CHORDC1: variants seen among roughly 807,000 people sequenced by gnomAD.
The protein encoded by CHORDC1 is cysteine and histidine rich domain containing 1.
CHORDC1 carries 25 observed loss-of-function variants against 48.3 expected under a neutral mutation model. That is an observed-to-expected ratio of 0.52 (90% CI 0.38 to 0.72). The LOEUF is 0.72. Among genes scored for constraint, CHORDC1 ranks in the 30% least tolerant of loss-of-function variants. The probability of loss-of-function intolerance (pLI) is 0.00; values close to 1 mark genes in which losing one functional copy is unlikely to be tolerated. For synonymous variants in CHORDC1, 128 were observed against 126.4 expected (o/e 1.01, Z -0.09); for missense variants, 317 against 388.7 (o/e 0.82, Z 1.55).
chr11:90,222,921 G>A lies in CHORDC1; in HGVS notation c.34C>T (p.Gln12Ter), dbSNP rs760316128. ...ALLCYNRGCG[Q>*]RFDPETNSDD... ...GAATTGGTCTCAGGATCGAAGCGCT[G>A]ACCGCAGCCCCGGTTGTAGCACAGC... Residue 12 changes from glutamine (Q) to a stop codon, truncating the protein, a stop_gained, in exon 1 of 11, where the codon CAG becomes TAG. Transcript: ENST00000320585. LOFTEE classifies it high-confidence loss of function. 3 of 1,614,038 alleles carry A rather than the reference G, an allele frequency of 1.9e-6. No homozygotes were observed. In the African/African-American group the frequency reaches 4.0e-5, roughly 22 times the overall value.
intron 10 of CHORDC1, 78 bp from the exon 11 acceptor site, chr11:90,202,629 G>T: frequency 6.6e-7 from 1 of 1,510,814 alleles, no homozygotes; most frequent in Non-Finnish European, 9.0e-7. Flanking sequence ...ACTTGCTTAT[G>T]CCAATAATCC....
intron 4 of CHORDC1, chr11:90,213,640 T>C (rs991256256): frequency 1.0e-4 from 47 of 460,014 alleles, no homozygotes; most frequent in Non-Finnish European, 1.8e-4. Flanking sequence ...AGATGGATGA[T>C]TAGGCCTCTG....
intron 6 of CHORDC1, chr11:90,209,272 A>G (rs1389944290): frequency 6.6e-6 from 1 of 152,190 alleles, no homozygotes; most frequent in Non-Finnish European, 1.5e-5. Flanking sequence ...TAATGGTGTC[A>G]CCAATCACCC....
At chr11:90,205,422 T>A (rs1857653070) in intron 8 of CHORDC1, 38 bp downstream of exon 8, 1 of 1,148,046 alleles carries the variant, frequency 8.7e-7, no homozygotes, top group Admixed American at 2.0e-5. Flanking sequence ...CTCAGATGAA[T>A]ATAAACCCAG....
chr11:90,207,078 CAG>C (rs1280831171), intron 6 of CHORDC1: 2 of 224,690 alleles, frequency 8.9e-6, no homozygotes, highest in Non-Finnish European at 1.8e-5. Flanking sequence ...TGGCACCGTA[CAG>C]ACTCAGTTTC....
In CHORDC1 at chr11:90,204,002, G is replaced by C. The variant is rs1269190636; in HGVS notation, c.670-575C>G. ...AGTAGTATACTATACTGCCCTACCA[G>C]TATTTTTTTTTATAGAGGCAAATGA... On this transcript the variant is annotated intron_variant, in intron 8 of 10. Transcript: ENST00000320585. Among the ~76,000 whole-genome samples the C allele has an allele frequency of 4.6e-5, 7 of 151,998 alleles. No individual in the cohort carries two copies. The East Asian group carries it at 1.2e-3, about 25-fold the overall frequency.
chr11:90,205,839 T>C, intron 7 of CHORDC1: 1 of 456,018 alleles, frequency 2.2e-6, no homozygotes, highest in South Asian at 2.9e-5. Flanking sequence ...GTATGGGTCG[T>C]CTTGGGATAA....
At chr11:90,219,167 G>C (rs1858098251) in intron 1 of CHORDC1, among the ~76,000 whole-genome samples, 1 of 152,008 alleles carries the variant, frequency 6.6e-6, no homozygotes, top group Admixed American at 6.6e-5. Flanking sequence ...TCAGGATCTT[G>C]ACAGGAGAAT....
At chr11:90,213,093 T>C (rs915813142) in intron 4 of CHORDC1, 12 of 257,704 alleles carry the variant, frequency 4.7e-5, no homozygotes, top group Non-Finnish European at 8.8e-5. Context: ...AAGCATTCAA[T>C]GGTCTCCTCT....
rs1339511013 is a variant in CHORDC1, at chr11:90,218,157, G to A, written c.92C>T (p.Pro31Leu). Residue 31 changes from proline (P) to leucine (L), a missense_variant, in exon 2 of 11, where the codon CCG becomes CTG. Coordinates refer to ENST00000320585, the MANE Select transcript of CHORDC1 (RefSeq NM_012124.3). ...TACCTTTAATGCATCGTGAAAGACCGGAACACCTGGGTGGTATGTGCAAGC... is the reference window on the plus strand; with the variant it reads ...TACCTTTAATGCATCGTGAAAGACCAGAACACCTGGGTGGTATGTGCAAGC... The part of the protein sequence containing the change: ...DDACTYHPGV[P>L]VFHDALKGWS... The A allele has an allele frequency of 9.5e-6, 15 of 1,572,332 alleles. No individual in the cohort carries two copies. Among genetic ancestry groups the A allele is most frequent in the South Asian group, 2.4e-5 (2 of 83,104 alleles).
intron 1 of CHORDC1, among the ~76,000 whole-genome samples, chr11:90,220,185 C>T (rs1176728360): frequency 6.6e-6 from 1 of 152,014 alleles, no homozygotes; most frequent in African/African-American, 2.4e-5. Context: ...CACCCTTGCT[C>T]TATCACCTGA....
At chr11:90,219,399 GTGTT>G in intron 1 of CHORDC1, among the ~76,000 whole-genome samples, 1 of 152,212 alleles carries the variant, frequency 6.6e-6, no homozygotes, top group African/African-American at 2.4e-5. Flanking sequence ...ATTACAATTT[GTGTT>G]GGGAACAGGC....
At chr11:90,213,449 T>C (rs1318636639) in intron 4 of CHORDC1, 1 of 693,876 alleles carries the variant, frequency 1.4e-6, no homozygotes, top group African/African-American at 1.8e-5. Context: ...TCAATATACA[T>C]GTGTGGGAAT....
chr11:90,220,250 C>G (rs181479791), intron 1 of CHORDC1, among the ~76,000 whole-genome samples: 1 of 152,130 alleles, frequency 6.6e-6, no homozygotes, highest in South Asian at 2.1e-4. Flanking sequence ...CTCCCTACCC[C>G]GTTACTAGCC....
At chr11:90,217,869 C>T (rs751991669) in intron 2 of CHORDC1, 1 of 174,626 alleles carries the variant, frequency 5.7e-6, no homozygotes. Context: ...TGCACTCCAC[C>T]TGGGCAACAC....
At position 90,206,140 on chromosome 11, in the gene CHORDC1, CAGAA is replaced by C. The variant is rs954116365; in HGVS notation, c.563+58_563+61del. The C allele has an allele frequency of 6.5e-5, 65 of 999,328 alleles. No homozygotes were observed. In the African/African-American group the frequency reaches 9.7e-4, roughly 15 times the overall value. 61.9% of individuals were successfully genotyped at this position (999,328 alleles called of 1,614,324 possible). A position where few individuals can be genotyped will look rare whatever the true frequency, so the allele number is the denominator to read the frequency against. Reference sequence around the variant, plus strand: ...CTGCATGGCAAACAATGTTTAAAGACAGAAAGGTTTAACTTTCTAAATTCTACCA... The same window carrying C: ...CTGCATGGCAAACAATGTTTAAAGACAGGTTTAACTTTCTAAATTCTACCA... On this transcript the variant is annotated intron_variant, in intron 7 of 10. Coordinates refer to ENST00000320585, the MANE Select transcript of CHORDC1 (RefSeq NM_012124.3).
intron 4 of CHORDC1, chr11:90,211,540 T>A: frequency 2.5e-6 from 1 of 395,098 alleles, no homozygotes. Flanking sequence ...TCTCAAATAA[T>A]CACGCTATTG....
chr11:90,209,049 C>G (rs191727695), intron 6 of CHORDC1: 92 of 152,264 alleles, frequency 6.0e-4, no homozygotes, highest in African/African-American at 2.0e-3. Context: ...ATTCACTTTT[C>G]AAAACACATC....
rs1591064853 is a variant in CHORDC1 at position 90,222,903 on chromosome 11, T to C, written c.52A>G (p.Thr18Ala). 6.2e-7 allele frequency: 1 copy of C among 1,613,976 alleles called. No individual in the cohort carries two copies. Among genetic ancestry groups the C allele is most frequent in the South Asian group, 1.1e-5 (1 of 91,060 alleles). Reference sequence around the variant, plus strand: ...GCGTTCCTCTTACCGTCGGAATTGGTCTCAGGATCGAAGCGCTGACCGCAG... The same window carrying C: ...GCGTTCCTCTTACCGTCGGAATTGGCCTCAGGATCGAAGCGCTGACCGCAG... ...RGCGQRFDPE[T>A]NSDDACTYHP... Residue 18 changes from threonine (T) to alanine (A), a missense_variant, in exon 1 of 11, where the codon ACC becomes GCC. Coordinates refer to ENST00000320585, the MANE Select transcript of CHORDC1 (RefSeq NM_012124.3).
Sources: allele counts gnomAD v4.1 joint callset (sites outside exome capture counted in the v4.1 genomes callset), GRCh38; gene constraint gnomAD v4.1.1; transcripts MANE v1.5; gene names NCBI Gene and HGNC (gene_info 2026-07-23, HGNC 2026-07-21).